COL5A1: variants seen among roughly 807,000 people sequenced by gnomAD.
The protein encoded by COL5A1 is collagen alpha-1(V) chain.
In COL5A1, 16 loss-of-function variants were observed where a neutral mutation model predicts 263.7. The observed-to-expected ratio is 0.06, with a 90% CI of 0.04 to 0.09. COL5A1 has a LOEUF of 0.09. COL5A1 is among the 10% of genes least tolerant of loss of function. The pLI, the probability that COL5A1 is intolerant of heterozygous loss-of-function variation, is 1.00. For missense variants in COL5A1, 2,036 were observed against 2,540.5 expected (o/e 0.80, Z 4.27); for synonymous variants, 1,012 against 1,004.5 (o/e 1.01, Z -0.14).
At chr9:134,808,907 CACTA>C (rs1054685311) in intron 42 of COL5A1, 6 of 530,900 alleles carry the variant, frequency 1.1e-5, no homozygotes, top group African/African-American at 9.5e-5. Flanking sequence ...CTCTACTGCT[CACTA>C]ACTGTGCCTC....
intron 44 of COL5A1, 96 bp from the exon 45 acceptor site, chr9:134,811,243 A>C: frequency 9.5e-7 from 1 of 1,056,684 alleles, no homozygotes; most frequent in Admixed American, 1.7e-5. Context: ...ACGACGTTGG[A>C]TGCATCAGTC....
intron 1 of COL5A1, among the ~76,000 whole-genome samples, chr9:134,689,672 T>A (rs1360462958): frequency 6.6e-6 from 1 of 152,094 alleles, no homozygotes; most frequent in African/African-American, 2.4e-5. Flanking sequence ...GGACGGAGCT[T>A]CCTTATCCTG....
In COL5A1 at chr9:134,716,337, C is replaced by A. The variant is rs1834259848; in HGVS notation, c.655-10929C>A. 6.6e-6 allele frequency among the ~76,000 whole-genome samples: 1 copy of A among 152,224 alleles called. No individual in the cohort carries two copies. The highest frequency in any genetic ancestry group is 6.5e-5 in the Admixed American group (1 of 15,282). ...CCTTCCCTGTGCCATTCTTCTCGGGCAGTGCTGCCAAGGGTCAGGTGGCTT... is the reference window on the plus strand; with the variant it reads ...CCTTCCCTGTGCCATTCTTCTCGGGAAGTGCTGCCAAGGGTCAGGTGGCTT... On this transcript the variant is annotated intron_variant, in intron 4 of 65. Transcript: ENST00000371817. The surrounding 1 kb of genome is among the most constrained non-coding windows in gnomAD (Gnocchi z 4.5).
chr9:134,716,657 G>A lies in COL5A1; in HGVS notation c.655-10609G>A, dbSNP rs1344232228. Among the ~76,000 whole-genome samples, 1 of 152,176 alleles carries A rather than the reference G, an allele frequency of 6.6e-6. No homozygotes were observed. Among genetic ancestry groups the A allele is most frequent in the African/African-American group, 2.4e-5 (1 of 41,448 alleles). The stretch of plus-strand genomic sequence containing the variant: ...CCATTTCGTCCCTTGGTCTAGAGAT[G>A]AGGCCCCCTCTCCGAGTTTGCTGAG... On this transcript the variant is annotated intron_variant, in intron 4 of 65. Transcript: ENST00000371817. The surrounding 1 kb of genome is among the most constrained non-coding windows in gnomAD (Gnocchi z 4.5).
chr9:134,830,593 G>C (rs1164124978), intron 64 of COL5A1, among the ~76,000 whole-genome samples: 4 of 152,124 alleles, frequency 2.6e-5, no homozygotes, highest in Non-Finnish European at 5.9e-5. Context: ...CTCCTTCTAG[G>C]ACCTGCACCA....
chr9:134,709,021 G>A (rs1424855657), intron 4 of COL5A1: 1 of 450,086 alleles, frequency 2.2e-6, no homozygotes, highest in Non-Finnish European at 4.5e-6. Flanking sequence ...GTTGGATTTA[G>A]GGCCCATCCT....
chr9:134,776,826 G>A (rs3124930), intron 27 of COL5A1, among the ~76,000 whole-genome samples: 1 of 152,056 alleles, frequency 6.6e-6, no homozygotes, highest in East Asian at 1.9e-4. Flanking sequence ...ACCAGCAGAT[G>A]CAGTGTCTGC....
chr9:134,802,282 G>C (rs529350733), intron 38 of COL5A1, among the ~76,000 whole-genome samples: 31 of 152,294 alleles, frequency 2.0e-4, no homozygotes, highest in Admixed American at 9.8e-4. Flanking sequence ...GCCAGCTCAG[G>C]AGCTGGGCTC....
intron 11 of COL5A1, among the ~76,000 whole-genome samples, chr9:134,743,417 C>T (rs991062932): frequency 6.6e-6 from 1 of 152,208 alleles, no homozygotes; most frequent in African/African-American, 2.4e-5. Flanking sequence ...GATCTTTCCA[C>T]CTACAGCATA....
At chr9:134,751,954 T>C (rs906877961) in intron 13 of COL5A1, among the ~76,000 whole-genome samples, 1 of 152,216 alleles carries the variant, frequency 6.6e-6, no homozygotes, top group Non-Finnish European at 1.5e-5. Flanking sequence ...AAATGGATGA[T>C]AGGCTATAAG....
Position 134,822,857 on chromosome 9 carries a change from G to T in COL5A1, c.4609-141G>T, listed in dbSNP as rs971214454. 4.1e-6 allele frequency: 4 copies of T among 981,786 alleles called. No individual in the cohort carries two copies. In the African/African-American group the frequency reaches 6.4e-5, roughly 16 times the overall value. The allele number at this position is 981,786 out of a possible 1,614,324, so 60.8% of individuals were successfully genotyped here. A position where few individuals can be genotyped will look rare whatever the true frequency, so the allele number is the denominator to read the frequency against. ...CCCGACCCTCCTCCCACTCTAGCCG[G>T]GCAAATACAAGCATAGACTCTTGAG... On this transcript the variant is annotated intron_variant, in intron 59 of 65. Transcript: ENST00000371817.
At position 134,800,578 on chromosome 9, in the gene COL5A1, C is replaced by T. The variant is rs1838073471; in HGVS notation, c.2953-1376C>T. Reference sequence around the variant, plus strand: ...CGGCCAACATGGTGAAACCCCGTCTCTACTAAAAATACAAAAATTAGCCAG... The same window carrying T: ...CGGCCAACATGGTGAAACCCCGTCTTTACTAAAAATACAAAAATTAGCCAG... On this transcript the variant is annotated intron_variant, in intron 37 of 65. Transcript: ENST00000371817. Among the ~76,000 whole-genome samples the T allele has an allele frequency of 2.0e-5, 3 of 151,974 alleles. No homozygotes were observed. The South Asian group carries it at 6.2e-4, about 32-fold the overall frequency.
intron 1 of COL5A1, among the ~76,000 whole-genome samples, chr9:134,673,197 C>T (rs965881376): frequency 6.6e-6 from 1 of 151,994 alleles, no homozygotes; most frequent in South Asian, 2.1e-4. Context: ...TGCAAAGGAC[C>T]TAATATAACC....
At chr9:134,839,869 C>T (rs1283154026) in intron 65 of COL5A1, among the ~76,000 whole-genome samples, 1 of 152,284 alleles carries the variant, frequency 6.6e-6, no homozygotes, top group African/African-American at 2.4e-5. Flanking sequence ...GGCCCCTGCC[C>T]TCCGTTCCAC....
At chr9:134,763,949 T>C (rs1399574836) in intron 20 of COL5A1, among the ~76,000 whole-genome samples, 2 of 144,858 alleles carry the variant, frequency 1.4e-5, no homozygotes, top group Non-Finnish European at 1.5e-5. Context: ...AGTCTGAGCC[T>C]GCCTACAGGA....
rs1329659244 is a variant in COL5A1 at position 134,696,886 on chromosome 9, C to A, written c.278-3023C>A. ...GAGATCGAGACCATCCTGGCTAACACGGTGAAACCCCATCCCTACTAAAAA... is the reference window on the plus strand; with the variant it reads ...GAGATCGAGACCATCCTGGCTAACAAGGTGAAACCCCATCCCTACTAAAAA... On this transcript the variant is annotated intron_variant, in intron 2 of 65. Coordinates refer to ENST00000371817, the MANE Select transcript of COL5A1 (RefSeq NM_000093.5). The surrounding 1 kb of genome is among the most constrained non-coding windows in gnomAD (Gnocchi z 4.3). Among the ~76,000 whole-genome samples the A allele has an allele frequency of 6.6e-6, 1 of 151,950 alleles. No homozygotes were observed. The highest frequency in any genetic ancestry group is 2.1e-4 in the South Asian group (1 of 4,820).
rs552092626 is a variant in COL5A1 at position 134,742,090 on chromosome 9, C to T, written c.1494+3282C>T. 6.6e-6 allele frequency among the ~76,000 whole-genome samples: 1 copy of T among 152,382 alleles called. No individual in the cohort carries two copies. Among genetic ancestry groups the T allele is most frequent in the East Asian group, 1.9e-4 (1 of 5,174 alleles). On this transcript the variant is annotated intron_variant, in intron 11 of 65. Coordinates refer to ENST00000371817, the MANE Select transcript of COL5A1 (RefSeq NM_000093.5). This position sits in a 1 kb window ranked among gnomAD's most constrained non-coding sequence, Gnocchi z 4.6. ...CCCTGACCAGCTGCTGAAGCCCACA[C>T]CCTGTGCCTCCACTGGCTGGCCCTG...
intron 51 of COL5A1, 59 bp downstream of exon 51, chr9:134,815,688 AGCCCC>A: frequency 6.4e-7 from 1 of 1,568,664 alleles, no homozygotes; most frequent in East Asian, 2.3e-5. Flanking sequence ...TGCCTCTGCC[AGCCCC>A]ATTTCCCCTC....
chr9:134,819,926 C>T (rs562315335), intron 57 of COL5A1, among the ~76,000 whole-genome samples, 190 bp from the exon 58 acceptor site: 7 of 152,298 alleles, frequency 4.6e-5, no homozygotes, highest in African/African-American at 9.6e-5. Context: ...CTGTGGCCAG[C>T]GAAGGGCCAC....
Sources: gnomAD v4.1 joint callset for allele counts (sites outside exome capture counted in the v4.1 genomes callset) on GRCh38, gnomAD v4.1.1 for gene constraint, Gnocchi (gnomAD v3.1) non-coding constraint, MANE v1.5 for transcripts, NCBI Gene and HGNC (gene_info 2026-07-23, HGNC 2026-07-21) for gene names.